Variants in SLIT3 observed in about 807,000 individuals in gnomAD.
SLIT3 encodes the protein slit guidance ligand 3.
A neutral mutation model predicts 184.0 loss-of-function variants in SLIT3; 68 were observed. The ratio of observed to expected loss-of-function variants is 0.37; its 90% confidence interval spans 0.30 to 0.45. The LOEUF (loss-of-function observed/expected upper bound fraction) is 0.45. Among genes scored for constraint, SLIT3 ranks in the 20% least tolerant of loss-of-function variants. SLIT3 has a pLI of 1.00. For missense variants in SLIT3, 1,707 were observed against 2,026.0 expected, an observed-to-expected ratio of 0.84 and a Z score of 3.02; for synonymous variants, 831 against 828.6, an observed-to-expected ratio of 1.00 and a Z score of -0.05.
intron 8 of SLIT3, among the ~76,000 whole-genome samples, chr5:168,811,724 G>A (rs1249680303): frequency 1.3e-5 from 2 of 152,202 alleles, no homozygotes; most frequent in Non-Finnish European, 2.9e-5. Flanking sequence ...ACAAATGCTG[G>A]CACCAATGTG....
At chr5:168,768,282 G>C (rs763223847) in intron 14 of SLIT3, 6 of 486,130 alleles carry the variant, frequency 1.2e-5, no homozygotes, top group South Asian at 9.1e-5. Flanking sequence ...AGCAGCGTCA[G>C]AGAGAGGACA....
At chr5:168,754,042 A>C (rs1197438942) in intron 16 of SLIT3, 35 bp from the exon 17 acceptor site, 1 of 1,536,412 alleles carries the variant, frequency 6.5e-7, no homozygotes, top group East Asian at 2.4e-5. Context: ...GAGAATCAAA[A>C]GGAGCAGATG....
At chr5:168,966,633 C>A (rs1478195666) in intron 4 of SLIT3, among the ~76,000 whole-genome samples, 3 of 152,168 alleles carry the variant, frequency 2.0e-5, no homozygotes, top group African/African-American at 7.2e-5. Context: ...TAAATGCATC[C>A]TCCAAAATGT....
At position 168,679,863 on chromosome 5, in the gene SLIT3, T is replaced by C. The variant is rs188820218; in HGVS notation, c.3686+4103A>G. On this transcript the variant is annotated intron_variant, in intron 32 of 35. Coordinates refer to ENST00000519560, the MANE Select transcript of SLIT3 (RefSeq NM_003062.4). ...TCTGCCACTTACTGGGCTTCTAATA[T>C]GAGGCTTCTCATCCCTAAAACAGGA... is the stretch of plus-strand genomic sequence containing the variant. Among the ~76,000 whole-genome samples, 771 of 152,288 alleles carry C rather than the reference T, an allele frequency of 5.1e-3. 2 individuals carry two copies. The highest frequency in any genetic ancestry group is 0.01 in the Middle Eastern group (3 of 294).
At chr5:169,119,872 TC>T (rs1294535930) in intron 4 of SLIT3, 1 of 152,220 alleles carries the variant, frequency 6.6e-6, no homozygotes, top group African/African-American at 2.4e-5. Context: ...TTATGTCAAC[TC>T]ATGAAACCAC....
intron 4 of SLIT3, chr5:169,119,771 C>T (rs558877125): frequency 1.4e-4 from 22 of 152,266 alleles, no homozygotes; most frequent in Admixed American, 1.2e-3. Flanking sequence ...AAAGAGCCAG[C>T]GCTCACCTGA....
chr5:169,004,167 A>G (rs1246067601), intron 4 of SLIT3, among the ~76,000 whole-genome samples: 2 of 151,986 alleles, frequency 1.3e-5, no homozygotes, highest in African/African-American at 4.8e-5. Flanking sequence ...GGGAAAAAAA[A>G]AACACACACA....
intron 4 of SLIT3, among the ~76,000 whole-genome samples, chr5:169,077,018 T>A (rs760401432): frequency 2.0e-5 from 3 of 151,864 alleles, no homozygotes. Flanking sequence ...ACAACACAGG[T>A]TTGAACTACC....
At chr5:169,182,732 C>G (rs11740311) in intron 4 of SLIT3, among the ~76,000 whole-genome samples, 4,699 of 152,276 alleles carry the variant, frequency 0.031, 101 homozygotes, top group South Asian at 0.1. Flanking sequence ...CTGCTCACCT[C>G]AAAAGGTTGT....
chr5:168,797,326 G>A (rs538481220), intron 9 of SLIT3, among the ~76,000 whole-genome samples: 5 of 152,328 alleles, frequency 3.3e-5, no homozygotes, highest in African/African-American at 9.6e-5. Flanking sequence ...GGTGGTGCGT[G>A]CTCTCCAGGA....
chr5:169,197,390 G>A (rs1763773366), intron 3 of SLIT3, among the ~76,000 whole-genome samples: 1 of 152,280 alleles, frequency 6.6e-6, no homozygotes, highest in South Asian at 2.1e-4. Context: ...GGCCTGGAAA[G>A]TCTTCCTTGA....
intron 20 of SLIT3, among the ~76,000 whole-genome samples, chr5:168,744,238 G>A (rs1404627085): frequency 5.3e-5 from 8 of 152,162 alleles, no homozygotes; most frequent in Non-Finnish European, 7.3e-5. Context: ...GCAGTGAGCC[G>A]AGATTGCGCC....
At chr5:169,044,839 A>G (rs1199572888) in intron 4 of SLIT3, among the ~76,000 whole-genome samples, 1 of 152,224 alleles carries the variant, frequency 6.6e-6, no homozygotes, top group Non-Finnish European at 1.5e-5. Context: ...TTTTAATTCA[A>G]CTGGCCTGTA....
intron 4 of SLIT3, among the ~76,000 whole-genome samples, chr5:168,883,959 C>T (rs1760064319): frequency 1.3e-5 from 2 of 152,100 alleles, no homozygotes; most frequent in Admixed American, 1.3e-4. Context: ...GTCCCACAGG[C>T]ACCTCATCTA....
chr5:169,146,008 ACCACT>A (rs1761911917), intron 4 of SLIT3, among the ~76,000 whole-genome samples: 1 of 152,152 alleles, frequency 6.6e-6, no homozygotes, highest in South Asian at 2.1e-4. Flanking sequence ...CCGAGATCGC[ACCACT>A]CCACTCCAGC....
intron 4 of SLIT3, among the ~76,000 whole-genome samples, chr5:169,107,579 G>A (rs770773756): frequency 1.5e-4 from 23 of 152,344 alleles, no homozygotes; most frequent in Admixed American, 5.9e-4. Context: ...GAGGCATGGC[G>A]GGGCTTTTTA....
chr5:168,828,856 A>G (rs1271724207), intron 6 of SLIT3, among the ~76,000 whole-genome samples: 1 of 152,128 alleles, frequency 6.6e-6, no homozygotes, highest in African/African-American at 2.4e-5. Flanking sequence ...CTACGGAAAA[A>G]GCTAAGAATA....
chr5:168,903,495 T>A (rs906732215), intron 4 of SLIT3, among the ~76,000 whole-genome samples: 1 of 152,202 alleles, frequency 6.6e-6, no homozygotes, highest in African/African-American at 2.4e-5. Flanking sequence ...CTTTGCAGCA[T>A]GATGCCAAGG....
At chr5:169,228,593 A>G (rs764132075) in intron 3 of SLIT3, among the ~76,000 whole-genome samples, 2 of 152,196 alleles carry the variant, frequency 1.3e-5, no homozygotes, top group Non-Finnish European at 2.9e-5. Context: ...GTTTAACAAC[A>G]TATACTTCAT....
Sources: gnomAD v4.1 joint callset for allele counts (sites outside exome capture counted in the v4.1 genomes callset) on GRCh38, gnomAD v4.1.1 for gene constraint, MANE v1.5 for transcripts, NCBI Gene and HGNC (gene_info 2026-07-23, HGNC 2026-07-21) for gene names.